Variants in TPP2 observed in about 807,000 individuals in gnomAD.
TPP2 encodes the protein tripeptidyl peptidase 2, also known as tripeptidyl-peptidase 2.
A neutral mutation model predicts 155.9 loss-of-function variants in TPP2; 34 were observed. The observed-to-expected ratio is 0.22, with a 90% CI of 0.17 to 0.29. The LOEUF is 0.29. TPP2 is among the 10% of genes least tolerant of loss of function. The probability of loss-of-function intolerance (pLI) is 1.00; values close to 1 mark genes in which losing one functional copy is unlikely to be tolerated. For synonymous variants in TPP2, 510 were observed against 529.4 expected (o/e 0.96, Z 0.50); for missense variants, 1,028 against 1,522.3 (o/e 0.68, Z 5.40).
rs1268623906 is a variant in TPP2 at position 102,678,980 on chromosome 13, A to C, written c.*664A>C. Reference sequence around the variant, plus strand: ...CAGAGCATCAGAATGAACTCTATGAATACATGTGTAAGTGCCAGACAGCTG... The same window carrying C: ...CAGAGCATCAGAATGAACTCTATGACTACATGTGTAAGTGCCAGACAGCTG... On this transcript the variant is annotated 3_prime_UTR_variant, in exon 30 of 30. Transcript: ENST00000376052. The C allele has an allele frequency of 5.2e-5, 8 of 152,594 alleles. No homozygotes were observed. Among genetic ancestry groups the C allele is most frequent in the African/African-American group, 1.9e-4 (8 of 41,422 alleles). The allele number at this position is 152,594 out of a possible 1,614,324, so 9.5% of individuals were successfully genotyped here.
intron 24 of TPP2, chr13:102,654,991 C>G (rs189531536): frequency 2.2e-5 from 11 of 509,156 alleles, no homozygotes; most frequent in Middle Eastern, 6.4e-4. Context: ...TTTCCTTTTC[C>G]CAGTCTCATG....
chr13:102,614,241 T>C (rs749427111), intron 3 of TPP2, 45 bp downstream of exon 3: 11 of 1,438,784 alleles, frequency 7.6e-6, no homozygotes, highest in Admixed American at 6.5e-5. Flanking sequence ...TTCTGACTTG[T>C]CTTCTTCCTC....
chr13:102,640,670 G>GA (rs1882701571), intron 16 of TPP2, among the ~76,000 whole-genome samples: 2 of 19,226 alleles, frequency 1.0e-4, no homozygotes. Flanking sequence ...TTTTTTTTTT[G>GA]AGACAGAGTC....
At chr13:102,598,882 CT>C (rs1259980250) in intron 1 of TPP2, among the ~76,000 whole-genome samples, 1 of 152,262 alleles carries the variant, frequency 6.6e-6, no homozygotes, top group Admixed American at 6.5e-5. Context: ...TTACATGTGA[CT>C]TTTTTAAATG....
chr13:102,634,119 C>T, intron 11 of TPP2, 21 bp downstream of exon 11: 2 of 1,613,518 alleles, frequency 1.2e-6, no homozygotes, highest in South Asian at 2.2e-5. Flanking sequence ...TCTTTATTGT[C>T]CTTACATTAT....
In TPP2 at chr13:102,658,880, G is replaced by T. The variant is rs926816038; in HGVS notation, c.3143+1673G>T. 2.6e-5 allele frequency among the ~76,000 whole-genome samples: 4 copies of T among 152,078 alleles called. No homozygotes were observed. In the South Asian group the frequency reaches 6.2e-4, roughly 24 times the overall value. ...GCTCTCAAGAGGTAGGGGCTCTCTT[G>T]TAAAGTACTGTTGGGAACACTGGGG... On this transcript the variant is annotated intron_variant, in intron 25 of 29. Transcript: ENST00000376052.
At chr13:102,598,709 A>G (rs1176763720) in intron 1 of TPP2, among the ~76,000 whole-genome samples, 1 of 152,138 alleles carries the variant, frequency 6.6e-6, no homozygotes, top group African/African-American at 2.4e-5. Context: ...TTTTGTCAGG[A>G]TAATAAGAGG....
chr13:102,634,938 G>A (rs949815568), intron 11 of TPP2, among the ~76,000 whole-genome samples: 7 of 152,120 alleles, frequency 4.6e-5, no homozygotes, highest in Non-Finnish European at 8.8e-5. Flanking sequence ...TCTAAGAGGC[G>A]GCTTATCTGT....
chr13:102,613,371 C>T (rs1880464457), intron 2 of TPP2, among the ~76,000 whole-genome samples: 1 of 152,152 alleles, frequency 6.6e-6, no homozygotes, highest in Non-Finnish European at 1.5e-5. Flanking sequence ...GTGTTTCAAC[C>T]TTGTCATTTA....
intron 10 of TPP2, 140 bp downstream of exon 10, chr13:102,630,335 CA>C: frequency 1.8e-6 from 1 of 566,074 alleles, no homozygotes; most frequent in Non-Finnish European, 3.0e-6. Context: ...TTTTGATTAA[CA>C]GTCTCATCTC....
rs772827226 is a variant in TPP2 at position 102,597,034 on chromosome 13, C to T, written c.-5C>T. 4.7e-5 allele frequency: 75 copies of T among 1,611,136 alleles called. No individual in the cohort carries two copies. Among genetic ancestry groups the T allele is most frequent in the Non-Finnish European group, 5.9e-5 (69 of 1,179,264 alleles). ...TGCCGCTTCCTCGTCCTCCATCCTG[C>T]GTCCATGGCCACCGCTGCGACTGAG... On this transcript the variant is annotated 5_prime_UTR_variant, in exon 1 of 30. Coordinates refer to ENST00000376052, the MANE Select transcript of TPP2 (RefSeq NM_001330588.2).
intron 10 of TPP2, among the ~76,000 whole-genome samples, chr13:102,633,040 A>G (rs1165218882): frequency 2.0e-5 from 3 of 152,230 alleles, no homozygotes; most frequent in East Asian, 1.9e-4. Flanking sequence ...TTTCTACCCA[A>G]GAGTAAAAAT....
In TPP2 at chr13:102,657,293, G is replaced by A. The variant is rs578066335; in HGVS notation, c.3143+86G>A. Reference sequence around the variant, plus strand: ...AATATTGTGTATATATACATAGACCGTATTTAAAATTATTAACAGCAGTTG... The same window carrying A: ...AATATTGTGTATATATACATAGACCATATTTAAAATTATTAACAGCAGTTG... On this transcript the variant is annotated intron_variant, in intron 25 of 29. Transcript: ENST00000376052. 38 of 1,127,274 alleles carry A rather than the reference G, an allele frequency of 3.4e-5. No homozygotes were observed. The African/African-American group carries it at 4.6e-4, about 14-fold the overall frequency. 69.8% of individuals were successfully genotyped at this position (1,127,274 alleles called of 1,614,324 possible).
In TPP2 at chr13:102,676,426, T is replaced by C. The variant is rs1484124280; in HGVS notation, c.3699+11T>C. On this transcript the variant is annotated intron_variant, in intron 29 of 29. Coordinates refer to ENST00000376052, the MANE Select transcript of TPP2 (RefSeq NM_001330588.2). ...AAAAATTGTATTCAAGTAAGTGATATTTAAAATGTCACTGTTAAGCATCAC... is the reference window on the plus strand; with the variant it reads ...AAAAATTGTATTCAAGTAAGTGATACTTAAAATGTCACTGTTAAGCATCAC... 3 of 1,606,898 alleles carry C rather than the reference T, an allele frequency of 1.9e-6. No homozygotes were observed. The Admixed American group carries it at 5.0e-5, about 27-fold the overall frequency.
At chr13:102,673,686 A>C (rs904929067) in intron 27 of TPP2, among the ~76,000 whole-genome samples, 14 of 152,204 alleles carry the variant, frequency 9.2e-5, no homozygotes, top group African/African-American at 2.9e-4. Flanking sequence ...GCCACTTCCT[A>C]ACTGGAGGAC....
At position 102,643,238 on chromosome 13, in the gene TPP2, G is replaced by A. The variant is rs149060291; in HGVS notation, c.2037G>A (p.Ser679=). ...GATWAEVTVC[S]CSSEVSAKFV... ...TTATTTTAGAAGTGACAGTGTGTTC[G>A]TGTTCTTCTGAGGTGTCAGCAAAGT... The change falls in exon 17 of 30, where the codon TCG becomes TCA. Residue 679 remains serine, a synonymous_variant. Coordinates refer to ENST00000376052, the MANE Select transcript of TPP2 (RefSeq NM_001330588.2). 26 of 1,601,844 alleles carry A rather than the reference G, an allele frequency of 1.6e-5. No homozygotes were observed. The highest frequency in any genetic ancestry group is 9.1e-5 in the South Asian group (8 of 88,296).
chr13:102,677,463 A>G (rs1447160949), intron 29 of TPP2, among the ~76,000 whole-genome samples: 2 of 152,168 alleles, frequency 1.3e-5, no homozygotes, highest in African/African-American at 4.8e-5. Context: ...AATAAAATCC[A>G]AACTCTCCCC....
Position 102,651,414 on chromosome 13 carries a change from C to A in TPP2, c.2991+17C>A, listed in dbSNP as rs1883480363. ...TTTAAAAAGGTACTGATTGTCAGTT[C>A]TTAAAAAAGATGTCTTAAAGCCTTA... On this transcript the variant is annotated intron_variant, in intron 24 of 29. Coordinates refer to ENST00000376052, the MANE Select transcript of TPP2 (RefSeq NM_001330588.2). The A allele has an allele frequency of 1.3e-6, 2 of 1,568,792 alleles. No individual in the cohort carries two copies. Among genetic ancestry groups the A allele is most frequent in the Non-Finnish European group, 1.7e-6 (2 of 1,156,036 alleles).
At chr13:102,651,274 A>G (rs1883469943) in intron 23 of TPP2, 85 bp from the exon 24 acceptor site, 2 of 1,468,946 alleles carry the variant, frequency 1.4e-6, no homozygotes, top group Non-Finnish European at 1.8e-6. Context: ...TGGAACATAA[A>G]CTGAAAGACA....
Sources: allele counts gnomAD v4.1 joint callset (sites outside exome capture counted in the v4.1 genomes callset), GRCh38; gene constraint gnomAD v4.1.1; transcripts MANE v1.5; gene names NCBI Gene and HGNC (gene_info 2026-07-23, HGNC 2026-07-21).